The following PCDHGA2 variants were observed in gnomAD, a reference collection of about 807,000 sequenced individuals.
PCDHGA2 encodes protocadherin gamma subfamily A, 2.
PCDHGA2 carries 40 observed loss-of-function variants against 59.2 expected under a neutral mutation model. That is an observed-to-expected ratio of 0.68 (90% CI 0.52 to 0.88). PCDHGA2 has a LOEUF of 0.88. Ranked by LOEUF, PCDHGA2 falls within the 40% of genes least tolerant of loss-of-function variation. PCDHGA2 has a pLI of 0.00. For synonymous variants in PCDHGA2, 560 were observed against 526.0 expected (o/e 1.06, Z -0.89); for missense variants, 1,226 against 1,204.0 (o/e 1.02, Z -0.27).
chr5:141,412,559 G>C (rs1408913988), intron 1 of PCDHGA2: 2 of 152,100 alleles, frequency 1.3e-5, no homozygotes, highest in African/African-American at 4.8e-5. Context: ...TATCTCATGA[G>C]TTTATTTAAT....
chr5:141,449,854 T>C (rs769118919), intron 1 of PCDHGA2, among the ~76,000 whole-genome samples: 7 of 151,974 alleles, frequency 4.6e-5, no homozygotes, highest in South Asian at 4.1e-4. Context: ...ATTTTAATAA[T>C]AAAAATCAGA....
At position 141,409,702 on chromosome 5, in the gene PCDHGA2, G is replaced by T. The variant is rs545411022; in HGVS notation, c.2424+68307G>T. The T allele has an allele frequency of 1.9e-6, 3 of 1,613,226 alleles. No individual in the cohort carries two copies. The East Asian group carries it at 6.7e-5, about 36-fold the overall frequency. ...TGGCGAGTGACCTAGAGCCCCTGGC[G>T]GTGTCGTCATACGTGTCAGTGAGCG... On this transcript the variant is annotated intron_variant, in intron 1 of 3. Coordinates refer to ENST00000394576, the MANE Select transcript of PCDHGA2 (RefSeq NM_018915.4).
chr5:141,370,327 A>T, intron 1 of PCDHGA2: 5 of 1,399,556 alleles, frequency 3.6e-6, no homozygotes, highest in Non-Finnish European at 4.8e-6. Context: ...TCCTGCTCGG[A>T]GAACTCTTGG....
intron 1 of PCDHGA2, chr5:141,413,353 C>A (rs2095629361): frequency 6.2e-7 from 1 of 1,613,962 alleles, no homozygotes; most frequent in East Asian, 2.2e-5. Context: ...GGGTCTGGCG[C>A]CCCGGGAGCT....
At chr5:141,374,350 G>A in intron 1 of PCDHGA2, 1 of 1,614,038 alleles carries the variant, frequency 6.2e-7, no homozygotes, top group Non-Finnish European at 8.5e-7. Flanking sequence ...CCGCGGGTAG[G>A]ATAGACCGCG....
chr5:141,358,047 A>G (rs532644383), intron 1 of PCDHGA2, among the ~76,000 whole-genome samples: 1 of 152,202 alleles, frequency 6.6e-6, no homozygotes, highest in Admixed American at 6.5e-5. Flanking sequence ...AAAGTTAGCT[A>G]GGCGTGGTGG....
rs781173070 is a variant in PCDHGA2, at chr5:141,374,478, G to T, written c.2424+33083G>T. 3.1e-6 allele frequency: 5 copies of T among 1,611,820 alleles called. No homozygotes were observed. In the Admixed American group the frequency reaches 5.0e-5, roughly 16 times the overall value. The stretch of plus-strand genomic sequence containing the variant: ...GTGGACATTAATGACAATACACCCC[G>T]ATTCTTAAAGGAAGAATTGGAAGTG... On this transcript the variant is annotated intron_variant, in intron 1 of 3. Coordinates refer to ENST00000394576, the MANE Select transcript of PCDHGA2 (RefSeq NM_018915.4).
chr5:141,428,190 T>C (rs1348507135), intron 1 of PCDHGA2: 2 of 1,429,918 alleles, frequency 1.4e-6, no homozygotes, highest in Non-Finnish European at 1.9e-6. Flanking sequence ...CAGCCGCCGC[T>C]CTCTGCGCCG....
intron 1 of PCDHGA2, among the ~76,000 whole-genome samples, chr5:141,435,946 A>C (rs953432473): frequency 6.6e-6 from 1 of 152,174 alleles, no homozygotes; most frequent in Non-Finnish European, 1.5e-5. Flanking sequence ...CTGAGACCAA[A>C]AAAGGGGGCA....
intron 1 of PCDHGA2, among the ~76,000 whole-genome samples, chr5:141,474,705 A>C (rs114026580): frequency 0.01 from 1,561 of 152,324 alleles, 35 homozygotes; most frequent in African/African-American, 0.035. Context: ...TCAAGGTTCT[A>C]TTATACTTCA....
chr5:141,345,622 T>C, intron 1 of PCDHGA2: 1 of 1,614,160 alleles, frequency 6.2e-7, no homozygotes, highest in South Asian at 1.1e-5. Context: ...GACTTAAAGC[T>C]ACTGGTGACA....
Position 141,340,432 on chromosome 5 carries a change from A to C in PCDHGA2, c.1461A>C (p.Val487=). 2 of 1,614,186 alleles carry C rather than the reference A, an allele frequency of 1.2e-6. No individual in the cohort carries two copies. Among genetic ancestry groups the C allele is most frequent in the South Asian group, 1.1e-5 (1 of 91,078 alleles). Residue 487 remains valine, a synonymous_variant, in exon 1 of 4, where the codon GTA becomes GTC. Coordinates refer to ENST00000394576, the MANE Select transcript of PCDHGA2 (RefSeq NM_018915.4). The part of the protein sequence containing the change: ...HDPDSNDNAH[V]TYSFAEDTVQ... ...CCGACAGCAACGACAATGCTCATGT[A>C]ACTTACTCTTTCGCGGAGGACACTG...
At chr5:141,367,010 A>G (rs917201512) in intron 1 of PCDHGA2, 9 of 419,880 alleles carry the variant, frequency 2.1e-5, no homozygotes, top group Admixed American at 8.4e-5. Flanking sequence ...TTTTACCCAA[A>G]TATTTTGTTA....
chr5:141,339,716 A>T lies in PCDHGA2; in HGVS notation c.745A>T (p.Ile249Leu), dbSNP rs150706052. ...APVFTQPEYR[I>L]SIPENTLVGT... Reference sequence around the variant, plus strand: ...TGTTTTTACACAGCCCGAGTACCGCATAAGCATTCCGGAGAATACGCTCGT... The same window carrying T: ...TGTTTTTACACAGCCCGAGTACCGCTTAAGCATTCCGGAGAATACGCTCGT... Residue 249 changes from isoleucine to leucine, a missense_variant, in exon 1 of 4, where the codon ATA (isoleucine) becomes TTA (leucine). By Grantham distance (5) the Ile-to-Leu change is conservative (BLOSUM62 2). Coordinates refer to ENST00000394576, the MANE Select transcript of PCDHGA2 (RefSeq NM_018915.4). The T allele has an allele frequency of 5.1e-3, 8,256 of 1,614,180 alleles. 45 individuals carry two copies. The highest frequency in any genetic ancestry group is 9.4e-3 in the Admixed American group (562 of 60,022).
rs776317992 is a variant in PCDHGA2, at chr5:141,339,151, A to T, written c.180A>T (p.Ala60=). The part of the protein sequence containing the change: ...KDLGLEPLAL[A]EQGVRIVSRG... ...TGGGTTTGGAGCCCCTGGCACTGGC[A>T]GAGCAGGGAGTCCGCATCGTCTCCA... Residue 60 remains alanine (A), a synonymous_variant, in exon 1 of 4, where the codon GCA becomes GCT. Coordinates refer to ENST00000394576, the MANE Select transcript of PCDHGA2 (RefSeq NM_018915.4). The T allele has an allele frequency of 6.2e-7, 1 of 1,614,210 alleles. No homozygotes were observed. Among genetic ancestry groups the T allele is most frequent in the Non-Finnish European group, 8.5e-7 (1 of 1,179,992 alleles).
chr5:141,489,257 T>C lies in PCDHGA2; in HGVS notation c.2425-5550T>C, dbSNP rs2099684606. 5.8e-6 allele frequency: 9 copies of C among 1,550,190 alleles called. No homozygotes were observed. The highest frequency in any genetic ancestry group is 1.4e-5 in the African/African-American group (1 of 73,054). On this transcript the variant is annotated intron_variant, in intron 1 of 3. Transcript: ENST00000394576. This position sits in a 1 kb window ranked among gnomAD's most constrained non-coding sequence, Gnocchi z 4.5. Reference sequence around the variant, plus strand: ...TTCTGGGTCATGGGGCCCAAGACACTCCCACAGCTCGCTGGGAAATGGCAA... The same window carrying C: ...TTCTGGGTCATGGGGCCCAAGACACCCCCACAGCTCGCTGGGAAATGGCAA...
intron 1 of PCDHGA2, among the ~76,000 whole-genome samples, chr5:141,369,005 A>C (rs944687399): frequency 6.6e-6 from 1 of 152,216 alleles, no homozygotes; most frequent in Non-Finnish European, 1.5e-5. Context: ...TGTGGAACTC[A>C]TTGCTTATTG....
intron 1 of PCDHGA2, chr5:141,375,120 A>G (rs2150053387): frequency 6.2e-7 from 1 of 1,613,952 alleles, no homozygotes; most frequent in South Asian, 1.1e-5. Flanking sequence ...AATGTACCAG[A>G]AGTGGTTGTT....
rs752681745 is a variant in PCDHGA2, at chr5:141,341,236, C to G, written c.2265C>G (p.His755Gln). ...GGGCTTTCCTGCAGACCTATTCCCA[C>G]GAGGTCTCCCTCACTGCGGACTCGC... ...GVRAFLQTYSHEVSLTADSRK... is the reference protein window; with the variant it reads ...GVRAFLQTYSQEVSLTADSRK... Residue 755 changes from histidine to glutamine, a missense_variant, in exon 1 of 4, where the codon CAC becomes CAG. Transcript: ENST00000394576. 1 of 1,614,248 alleles carries G rather than the reference C, an allele frequency of 6.2e-7. No individual in the cohort carries two copies. Among genetic ancestry groups the G allele is most frequent in the South Asian group, 1.1e-5 (1 of 91,088 alleles).
Sources: gnomAD v4.1 joint callset for allele counts (sites outside exome capture counted in the v4.1 genomes callset) on GRCh38, gnomAD v4.1.1 for gene constraint, Gnocchi (gnomAD v3.1) non-coding constraint, MANE v1.5 for transcripts, NCBI Gene and HGNC (gene_info 2026-07-23, HGNC 2026-07-21) for gene names.